The following ACAP1 variants were observed in gnomAD, a reference collection of about 807,000 sequenced individuals.
The protein encoded by ACAP1 is arf-GAP with coiled-coil, ANK repeat and PH domain-containing protein 1.
ACAP1 carries 45 observed loss-of-function variants against 98.8 expected under a neutral mutation model. The ratio of observed to expected loss-of-function variants is 0.46; its 90% CI spans 0.36 to 0.58. ACAP1 has a LOEUF of 0.58. Among genes scored for constraint, ACAP1 ranks in the 20% least tolerant of loss-of-function variants. The pLI is 0.00. For synonymous variants in ACAP1, 362 were observed against 375.3 expected, an observed-to-expected ratio of 0.96 and a Z score of 0.41; for missense variants, 735 against 971.4, an observed-to-expected ratio of 0.76 and a Z score of 3.24.
rs147735607 is a variant in ACAP1, at chr17:7,346,716, T to C, written c.1008-92T>C. 1.5e-5 allele frequency: 22 copies of C among 1,447,690 alleles called. No homozygotes were observed. The South Asian group carries it at 2.1e-4, about 14-fold the overall frequency. 89.7% of individuals were successfully genotyped at this position (1,447,690 alleles called of 1,614,324 possible). The stretch of plus-strand genomic sequence containing the variant: ...AGTCTTTCAATGCAACTGGAACTGG[T>C]TGAATACTGGCTGAATGTCAGTCTG... On this transcript the variant is annotated intron_variant, in intron 12 of 21. Coordinates refer to ENST00000158762, the MANE Select transcript of ACAP1 (RefSeq NM_014716.4).
chr17:7,340,454 GA>G (rs934672924), intron 2 of ACAP1, among the ~76,000 whole-genome samples: 1 of 152,086 alleles, frequency 6.6e-6, no homozygotes. Flanking sequence ...AGATGGTAAG[GA>G]AAAAAACTAG....
chr17:7,343,818 G>A lies in ACAP1; in HGVS notation c.574-43G>A. ...CTGCCAGCACAAGGGAATGGGGAGA[G>A]GGGTTCTTCCTCAGCCTTCCCACTG... is the stretch of plus-strand genomic sequence containing the variant. On this transcript the variant is annotated intron_variant, in intron 7 of 21. Coordinates refer to ENST00000158762, the MANE Select transcript of ACAP1 (RefSeq NM_014716.4). The surrounding 1 kb of genome is among the most constrained non-coding windows in gnomAD (Gnocchi z 4.9). 1.2e-6 allele frequency: 2 copies of A among 1,613,854 alleles called. No individual in the cohort carries two copies. The highest frequency in any genetic ancestry group is 1.7e-6 in the Non-Finnish European group (2 of 1,179,838).
chr17:7,347,587 G>A (rs1289406463), intron 14 of ACAP1: 19 of 525,218 alleles, frequency 3.6e-5, no homozygotes, highest in Admixed American at 2.3e-4. Context: ...TAAGGCCCTC[G>A]CCCCCCACCT....
rs1186205047 is a variant in ACAP1 at position 7,351,317 on chromosome 17, C to T, written c.2145C>T (p.Ile715=). 2.5e-6 allele frequency: 4 copies of T among 1,613,612 alleles called. No homozygotes were observed. The African/African-American group carries it at 4.0e-5, about 16-fold the overall frequency. ...CAGGAGATGAGACGTATCTTGACATCTTCCGCGACTTCTCCCTCATGGCGT... is the reference window on the plus strand; with the variant it reads ...CAGGAGATGAGACGTATCTTGACATTTTCCGCGACTTCTCCCTCATGGCGT... ...GQAGDETYLD[I]FRDFSLMASD... Residue 715 remains isoleucine (I), a synonymous_variant, in exon 22 of 22, where the codon ATC becomes ATT. Coordinates refer to ENST00000158762, the MANE Select transcript of ACAP1 (RefSeq NM_014716.4).
chr17:7,350,027 A>G lies in ACAP1; in HGVS notation c.1934A>G (p.His645Arg). The change falls in exon 19 of 22, where the codon CAC (histidine) becomes CGC (arginine). Residue 645 changes from histidine (H) to arginine (R), a missense_variant. Physicochemically the swap from His to Arg is conservative, Grantham distance 29 (BLOSUM62 0). Coordinates refer to ENST00000158762, the MANE Select transcript of ACAP1 (RefSeq NM_014716.4). The surrounding 1 kb of genome is among the most constrained non-coding windows in gnomAD (Gnocchi z 4.6). ...QADSAGRGPL[H>R]HATILGHTGL... ...GACAGTGCGGGCCGGGGCCCGCTGC[A>G]CCACGCAACCATTCTTGGCCACACG... 1 of 1,613,422 alleles carries G rather than the reference A, an allele frequency of 6.2e-7. No individual in the cohort carries two copies. The highest frequency in any genetic ancestry group is 8.5e-7 in the Non-Finnish European group (1 of 1,179,466).
chr17:7,336,619 G>T lies in ACAP1; in HGVS notation c.-116G>T, dbSNP rs2073221625. The T allele has an allele frequency of 1.8e-6, 2 of 1,089,452 alleles. No homozygotes were observed. Among genetic ancestry groups the T allele is most frequent in the Non-Finnish European group, 2.8e-6 (2 of 714,592 alleles). 67.5% of individuals were successfully genotyped at this position (1,089,452 alleles called of 1,614,324 possible). A position where few individuals can be genotyped will look rare whatever the true frequency, so the allele number is the denominator to read the frequency against. ...TTGTGCCCCCAGGCCCTTCCCCGCG[G>T]AGGTCCCTCTCCTCCTTCCCCCTCA... is the stretch of plus-strand genomic sequence containing the variant. On this transcript the variant is annotated 5_prime_UTR_variant, in exon 1 of 22. Transcript: ENST00000158762.
chr17:7,350,734 C>T lies in ACAP1; in HGVS notation c.2073-216C>T, dbSNP rs181773189. 23 of 519,910 alleles carry T rather than the reference C, an allele frequency of 4.4e-5. No individual in the cohort carries two copies. Among genetic ancestry groups the T allele is most frequent in the Middle Eastern group, 5.4e-4 (1 of 1,866 alleles). 32.2% of individuals were successfully genotyped at this position (519,910 alleles called of 1,614,324 possible). Reference sequence around the variant, plus strand: ...AGCGATTCTCCTGTCTCAGCCTCCCCTGAGTAGCTGGGACTACAGGCGTGC... The same window carrying T: ...AGCGATTCTCCTGTCTCAGCCTCCCTTGAGTAGCTGGGACTACAGGCGTGC... On this transcript the variant is annotated intron_variant, in intron 20 of 21. Transcript: ENST00000158762. This position sits in a 1 kb window ranked among gnomAD's most constrained non-coding sequence, Gnocchi z 4.6.
chr17:7,350,784 G>T lies in ACAP1; in HGVS notation c.2073-166G>T. 1.6e-6 allele frequency: 1 copy of T among 610,896 alleles called. No individual in the cohort carries two copies. The highest frequency in any genetic ancestry group is 1.9e-5 in the South Asian group (1 of 52,964). The allele number at this position is 610,896 out of a possible 1,614,324, so 37.8% of individuals were successfully genotyped here. A position where few individuals can be genotyped will look rare whatever the true frequency, so the allele number is the denominator to read the frequency against. ...CGCCACCACCCCCGGCTAATTTTTT[G>T]TATTTTTAGTAGAGACGGGGTTTCA... is the stretch of plus-strand genomic sequence containing the variant. On this transcript the variant is annotated intron_variant, in intron 20 of 21. Coordinates refer to ENST00000158762, the MANE Select transcript of ACAP1 (RefSeq NM_014716.4). This position sits in a 1 kb window ranked among gnomAD's most constrained non-coding sequence, Gnocchi z 4.6.
At chr17:7,347,431 C>A in intron 14 of ACAP1, 189 bp downstream of exon 14, 1 of 599,586 alleles carries the variant, frequency 1.7e-6, no homozygotes, top group South Asian at 2.2e-5. Context: ...GCGGGCCTAG[C>A]CCCTCTGTGT....
At position 7,348,835 on chromosome 17, in the gene ACAP1, T is replaced by A. The variant is rs371769846; in HGVS notation, c.1679-160T>A. On this transcript the variant is annotated intron_variant, in intron 17 of 21. Coordinates refer to ENST00000158762, the MANE Select transcript of ACAP1 (RefSeq NM_014716.4). ...GACTCGTACACATGCATACGCATAC[T>A]TACACATACCCACACTTGCATCACT... 9 of 688,582 alleles carry A rather than the reference T, an allele frequency of 1.3e-5. 1 individual carries two copies. The East Asian group carries it at 1.6e-4, about 12-fold the overall frequency. The allele number at this position is 688,582 out of a possible 1,614,324, so 42.7% of individuals were successfully genotyped here. A position where few individuals can be genotyped will look rare whatever the true frequency, so the allele number is the denominator to read the frequency against.
In ACAP1 at chr17:7,348,377, G is replaced by C; in HGVS notation, c.1580G>C (p.Arg527Pro). 1 of 1,570,602 alleles carries C rather than the reference G, an allele frequency of 6.4e-7. No homozygotes were observed. Among genetic ancestry groups the C allele is most frequent in the Non-Finnish European group, 8.6e-7 (1 of 1,156,158 alleles). ...KKFLTKLPEI[R>P]GRRGGRGRPR... ...TTCCTGACCAAGCTGCCTGAGATTC[G>C]AGGGCGAAGAGGTGGCCGGGGGCGC... Residue 527 changes from arginine (R) to proline (P), a missense_variant, in exon 17 of 22, where the codon CGA (arginine) becomes CCA (proline). Physicochemically the swap from Arg to Pro is moderately radical, Grantham distance 103 (BLOSUM62 -2). This residue lies in a region of ACAP1 where 80 missense variants were observed against 64.4 expected (regional missense o/e 1.24). Coordinates refer to ENST00000158762, the MANE Select transcript of ACAP1 (RefSeq NM_014716.4).
At chr17:7,342,564 G>T in intron 5 of ACAP1, 90 bp downstream of exon 5, 1 of 1,400,390 alleles carries the variant, frequency 7.1e-7, no homozygotes, top group South Asian at 1.2e-5. Flanking sequence ...CCAGGAGTTG[G>T]ACACCAACCT....
Position 7,344,887 on chromosome 17 carries a change from G to T in ACAP1, c.854+239G>T, listed in dbSNP as rs1045738663. Among the ~76,000 whole-genome samples, 2 of 152,174 alleles carry T rather than the reference G, an allele frequency of 1.3e-5. No individual in the cohort carries two copies. The highest frequency in any genetic ancestry group is 2.9e-5 in the Non-Finnish European group (2 of 68,030). On this transcript the variant is annotated intron_variant, in intron 10 of 21. Coordinates refer to ENST00000158762, the MANE Select transcript of ACAP1 (RefSeq NM_014716.4). The surrounding 1 kb of genome is among the most constrained non-coding windows in gnomAD (Gnocchi z 4.9). ...AAGGGATGTGGGGAGCTGGGTAGGG[G>T]TTACAGTTCTAAATAGTTGGGCAGT...
Position 7,343,791 on chromosome 17 carries a change from T to G in ACAP1, c.573+41T>G. ...GGTGAGGGCAGGGTGGAGAAGAGCC[T>G]GCTGCCAGCACAAGGGAATGGGGAG... On this transcript the variant is annotated intron_variant, in intron 7 of 21. Transcript: ENST00000158762. The surrounding 1 kb of genome is among the most constrained non-coding windows in gnomAD (Gnocchi z 4.9). 6.2e-7 allele frequency: 1 copy of G among 1,613,116 alleles called. No homozygotes were observed. The highest frequency in any genetic ancestry group is 1.3e-5 in the African/African-American group (1 of 75,000).
At position 7,336,712 on chromosome 17, in the gene ACAP1, G is replaced by A; in HGVS notation, c.-23G>A. 6.2e-7 allele frequency: 1 copy of A among 1,613,750 alleles called. No homozygotes were observed. Among genetic ancestry groups the A allele is most frequent in the South Asian group, 1.1e-5 (1 of 91,088 alleles). On this transcript the variant is annotated 5_prime_UTR_variant, in exon 1 of 22. Coordinates refer to ENST00000158762, the MANE Select transcript of ACAP1 (RefSeq NM_014716.4). ...AGGGGCCCGGCCTCCAGGGCCCGCT[G>A]GCCCCACAGCAGGCAAGCTGAGATG...
chr17:7,342,259 G>A lies in ACAP1; in HGVS notation c.232-16G>A, dbSNP rs1459611111. On this transcript the variant is annotated splice_polypyrimidine_tract_variant and intron_variant, in intron 3 of 21. Coordinates refer to ENST00000158762, the MANE Select transcript of ACAP1 (RefSeq NM_014716.4). ...ACCCCATGCCTGGTACTCTTTCTGT[G>A]CCTCTTCTTGCCTAGGAGTGTCTGG... 1.2e-6 allele frequency: 2 copies of A among 1,613,940 alleles called. No individual in the cohort carries two copies.
intron 3 of ACAP1, 43 bp from the exon 4 acceptor site, chr17:7,342,232 C>CCACCCCGCAG (rs1400500078): frequency 1.9e-6 from 3 of 1,610,972 alleles, no homozygotes; most frequent in Non-Finnish European, 2.5e-6. Context: ...GAGGGTGCTG[C>CCACCCCGCAG]CACCCCATGC....
In ACAP1 at chr17:7,342,407, T is replaced by A. The variant is rs2073294279; in HGVS notation, c.286-9T>A. The A allele has an allele frequency of 6.2e-7, 1 of 1,614,124 alleles. No homozygotes were observed. Among genetic ancestry groups the A allele is most frequent in the Non-Finnish European group, 8.5e-7 (1 of 1,179,988 alleles). On this transcript the variant is annotated splice_polypyrimidine_tract_variant and intron_variant, in intron 4 of 21. Coordinates refer to ENST00000158762, the MANE Select transcript of ACAP1 (RefSeq NM_014716.4). Reference sequence around the variant, plus strand: ...CTGACCCCAGTCTACCAACTTCTCCTTCCCTCAGGAGCTTCTAGATGCCAC... The same window carrying A: ...CTGACCCCAGTCTACCAACTTCTCCATCCCTCAGGAGCTTCTAGATGCCAC...
At position 7,349,968 on chromosome 17, in the gene ACAP1, T is replaced by A. The variant is rs747095875; in HGVS notation, c.1875T>A (p.Phe625Leu). 6.2e-7 allele frequency: 1 copy of A among 1,612,136 alleles called. No individual in the cohort carries two copies. Among genetic ancestry groups the A allele is most frequent in the Non-Finnish European group, 8.5e-7 (1 of 1,178,790 alleles). The change falls in exon 19 of 22, where the codon TTT becomes TTA. Residue 625 changes from phenylalanine (F) to leucine (L), a missense_variant. Phe to Leu is a conservative substitution (Grantham distance 22). Coordinates refer to ENST00000158762, the MANE Select transcript of ACAP1 (RefSeq NM_014716.4). ...AGAATTCTCTTCTGGCCTGTGAGTT[T>A]CTCCTCCAGAACGGGGCGAACGTGA... ...TAANSLLACE[F>L]LLQNGANVNQ...
Sources: allele counts gnomAD v4.1 joint callset (sites outside exome capture counted in the v4.1 genomes callset), GRCh38; gene constraint gnomAD v4.1.1; regional missense constraint gnomAD v4.1.1; non-coding constraint Gnocchi (gnomAD v3.1); transcripts MANE v1.5; gene names NCBI Gene and HGNC (gene_info 2026-07-23, HGNC 2026-07-21).